Variants in CADM2 observed in about 807,000 individuals in gnomAD.
CADM2 encodes cell adhesion molecule 2.
In CADM2, 12 loss-of-function variants were observed where a neutral mutation model predicts 49.8. The ratio of observed to expected loss-of-function variants is 0.24; its 90% CI spans 0.15 to 0.39. The LOEUF (loss-of-function observed/expected upper bound fraction) is 0.39, where lower values mean the gene tolerates loss of function less well. Among genes scored for constraint, CADM2 ranks in the 10% least tolerant of loss-of-function variants. The pLI is 1.00. For missense variants in CADM2, 378 were observed against 492.3 expected (o/e 0.77, Z 2.20); for synonymous variants, 214 against 175.4 (o/e 1.22, Z -1.74).
chr3:85,365,848 A>G (rs1302204250), intron 1 of CADM2, among the ~76,000 whole-genome samples: 1 of 152,174 alleles, frequency 6.6e-6, no homozygotes, highest in Non-Finnish European at 1.5e-5. Context: ...TGAAATTATC[A>G]TGTGCATTCT....
chr3:84,987,110 A>G (rs2032616194), intron 1 of CADM2, among the ~76,000 whole-genome samples: 1 of 151,960 alleles, frequency 6.6e-6, no homozygotes, highest in Non-Finnish European at 1.5e-5. Context: ...TTTGCAGTCC[A>G]GTTCAATGGA....
At chr3:85,673,912 T>A (rs560275054) in intron 1 of CADM2, among the ~76,000 whole-genome samples, 2 of 152,278 alleles carry the variant, frequency 1.3e-5, no homozygotes, top group East Asian at 1.9e-4. Flanking sequence ...CATTAAAAAA[T>A]TTTAACCAGA....
intron 7 of CADM2, among the ~76,000 whole-genome samples, chr3:85,956,055 T>G (rs988749098): frequency 2.6e-5 from 4 of 151,656 alleles, no homozygotes; most frequent in Non-Finnish European, 5.9e-5. Flanking sequence ...TTCCAACTTT[T>G]TAATTATTTG....
chr3:85,962,599 A>T, intron 8 of CADM2, among the ~76,000 whole-genome samples: 1 of 151,896 alleles, frequency 6.6e-6, no homozygotes, highest in Non-Finnish European at 1.5e-5. Flanking sequence ...CTTCTTTTAG[A>T]TATTGTTAGA....
At chr3:85,533,362 T>G (rs2061360811) in intron 1 of CADM2, among the ~76,000 whole-genome samples, 1 of 152,200 alleles carries the variant, frequency 6.6e-6, no homozygotes. Flanking sequence ...TGGTAACTGA[T>G]TTATATGTGA....
Position 85,477,282 on chromosome 3 carries a change from G to A in CADM2, c.62-249240G>A, listed in dbSNP as rs534362626. ...CACACACACACACACATACAGACAC[G>A]TATTAGTTATTTATAGAAAATCTTC... On this transcript the variant is annotated intron_variant, in intron 1 of 9. Transcript: ENST00000383699. Among the ~76,000 whole-genome samples the A allele has an allele frequency of 5.2e-5, 6 of 116,040 alleles. No individual in the cohort carries two copies. The East Asian group carries it at 1.4e-3, about 28-fold the overall frequency. 76.1% of individuals were successfully genotyped at this position (116,040 alleles called of 152,430 possible).
intron 1 of CADM2, among the ~76,000 whole-genome samples, chr3:85,591,097 C>T (rs1224026961): frequency 6.6e-6 from 1 of 152,018 alleles, no homozygotes; most frequent in South Asian, 2.1e-4. Context: ...AGTGACTTTC[C>T]TGAAAATCAA....
At chr3:85,762,051 T>A (rs553177264) in intron 2 of CADM2, among the ~76,000 whole-genome samples, 1 of 152,192 alleles carries the variant, frequency 6.6e-6, no homozygotes, top group African/African-American at 2.4e-5. Context: ...GGAGGAAGAA[T>A]AATTTATTGG....
At chr3:85,703,028 T>C (rs1005604246) in intron 1 of CADM2, among the ~76,000 whole-genome samples, 1 of 152,190 alleles carries the variant, frequency 6.6e-6, no homozygotes, top group African/African-American at 2.4e-5. Context: ...CTGGGATTTT[T>C]GGTAGAAATG....
intron 1 of CADM2, among the ~76,000 whole-genome samples, chr3:85,185,786 A>G (rs1331839078): frequency 6.6e-6 from 1 of 152,188 alleles, no homozygotes; most frequent in African/African-American, 2.4e-5. Flanking sequence ...AAAGTCTTTA[A>G]TAAACGGGAG....
chr3:86,051,071 T>A (rs890529038), intron 8 of CADM2, among the ~76,000 whole-genome samples: 7 of 152,240 alleles, frequency 4.6e-5, no homozygotes, highest in South Asian at 2.1e-4. Context: ...CTTTCTTTTT[T>A]AAATATCAAT....
At chr3:84,970,946 T>G (rs1422269143) in intron 1 of CADM2, among the ~76,000 whole-genome samples, 1 of 152,108 alleles carries the variant, frequency 6.6e-6, no homozygotes, top group Non-Finnish European at 1.5e-5. Flanking sequence ...GTGAAACATT[T>G]TAATATGTTA....
At chr3:84,967,537 C>T (rs2031093647) in intron 1 of CADM2, among the ~76,000 whole-genome samples, 1 of 151,962 alleles carries the variant, frequency 6.6e-6, no homozygotes, top group African/African-American at 2.4e-5. Context: ...ATATAGTAAG[C>T]TTTTTATTTA....
intron 3 of CADM2, among the ~76,000 whole-genome samples, chr3:85,814,349 T>C (rs997879128): frequency 2.6e-5 from 4 of 152,138 alleles, no homozygotes; most frequent in African/African-American, 7.2e-5. Context: ...GTTTGTATGT[T>C]ATTGATGTAT....
intron 1 of CADM2, among the ~76,000 whole-genome samples, chr3:85,396,900 G>C (rs1040103772): frequency 2.0e-5 from 3 of 151,982 alleles, no homozygotes; most frequent in Admixed American, 2.0e-4. Context: ...CAAAAAATTA[G>C]ATAAATTGGT....
At chr3:85,523,859 GATCTATT>G (rs2061089949) in intron 1 of CADM2, among the ~76,000 whole-genome samples, 1 of 152,002 alleles carries the variant, frequency 6.6e-6, no homozygotes, top group African/African-American at 2.4e-5. Context: ...GAGTTTTGTT[GATCTATT>G]TTAAATAAAC....
intron 3 of CADM2, among the ~76,000 whole-genome samples, chr3:85,843,999 C>G (rs2074762638): frequency 6.6e-6 from 1 of 152,022 alleles, no homozygotes; most frequent in Admixed American, 6.6e-5. Context: ...GTTCGGTAGC[C>G]AGGCTTTACG....
chr3:85,634,557 T>C lies in CADM2; in HGVS notation c.62-91965T>C, dbSNP rs1443191179. Among the ~76,000 whole-genome samples, 4 of 152,198 alleles carry C rather than the reference T, an allele frequency of 2.6e-5. No homozygotes were observed. In the East Asian group the frequency reaches 7.7e-4, roughly 29 times the overall value. On this transcript the variant is annotated intron_variant, in intron 1 of 9. Transcript: ENST00000383699. ...TATGTCAAAAAGGCTCTACAATTTC[T>C]GTCAAATCAAAGTTGAGTTAGTGCA...
intron 1 of CADM2, among the ~76,000 whole-genome samples, chr3:85,377,157 AT>A (rs1433321397): frequency 6.6e-6 from 1 of 152,094 alleles, no homozygotes; most frequent in African/African-American, 2.4e-5. Flanking sequence ...CAATATACAT[AT>A]TTATGCGACC....
Sources: gnomAD v4.1 joint callset for allele counts (sites outside exome capture counted in the v4.1 genomes callset) on GRCh38, gnomAD v4.1.1 for gene constraint, MANE v1.5 for transcripts, NCBI Gene and HGNC (gene_info 2026-07-23, HGNC 2026-07-21) for gene names.